Variants in GPAT3 observed in about 807,000 individuals in gnomAD.
GPAT3 encodes the protein glycerol-3-phosphate acyltransferase 3, also known as 1-AGP acyltransferase 9.
Under a neutral mutation model 58.8 loss-of-function variants are expected in GPAT3, and 53 were observed. The ratio of observed to expected loss-of-function variants is 0.90; its 90% CI spans 0.72 to 1.13. The LOEUF is 1.13. Among genes scored for constraint, GPAT3 ranks in the 50% most tolerant of loss-of-function variants. GPAT3 has a pLI of 0.00. For missense variants in GPAT3, 511 were observed against 527.6 expected, an observed-to-expected ratio of 0.97 and a Z score of 0.31; for synonymous variants, 197 against 187.4, an observed-to-expected ratio of 1.05 and a Z score of -0.42.
At chr4:83,590,077 A>C in intron 5 of GPAT3, 122 bp from the exon 6 acceptor site, 1 of 780,178 alleles carries the variant, frequency 1.3e-6, no homozygotes, top group Non-Finnish European at 2.0e-6. Flanking sequence ...TGGGCAACAG[A>C]GTGAGACGCG....
intron 2 of GPAT3, among the ~76,000 whole-genome samples, chr4:83,576,822 G>A (rs1330997680): frequency 1.3e-5 from 2 of 152,082 alleles, no homozygotes; most frequent in Non-Finnish European, 2.9e-5. Context: ...GTAATACCAC[G>A]GGTGAAAATT....
At chr4:83,604,628 C>T in intron 11 of GPAT3, 40 bp from the exon 12 acceptor site, 1 of 1,520,860 alleles carries the variant, frequency 6.6e-7, no homozygotes, top group Admixed American at 1.7e-5. Context: ...TAAATCACCG[C>T]TGTAAAGTAT....
chr4:83,553,028 ACCT>A (rs1326315411), intron 2 of GPAT3, among the ~76,000 whole-genome samples: 110 of 152,108 alleles, frequency 7.2e-4, no homozygotes, highest in African/African-American at 2.6e-3. Context: ...TAGCCTCCAG[ACCT>A]GTGGGAAAAT....
chr4:83,602,903 A>C (rs554999695), intron 11 of GPAT3, among the ~76,000 whole-genome samples: 3 of 152,236 alleles, frequency 2.0e-5, no homozygotes, highest in Admixed American at 6.5e-5. Context: ...TTGTTTCATG[A>C]AAACCTCCCA....
chr4:83,566,211 T>C, intron 2 of GPAT3, among the ~76,000 whole-genome samples: 1 of 152,124 alleles, frequency 6.6e-6, no homozygotes, highest in Admixed American at 6.5e-5. Flanking sequence ...CCCACATTTT[T>C]GTATTTTTGT....
At chr4:83,596,962 C>CA in intron 8 of GPAT3, 49 bp downstream of exon 8, 2 of 1,526,172 alleles carry the variant, frequency 1.3e-6, no homozygotes, top group Non-Finnish European at 1.8e-6. Flanking sequence ...AACAAACCAT[C>CA]AAAAGTGTGT....
At chr4:83,547,457 T>C (rs1434780043) in intron 2 of GPAT3, among the ~76,000 whole-genome samples, 1 of 151,686 alleles carries the variant, frequency 6.6e-6, no homozygotes. Flanking sequence ...TTTCACCGTG[T>C]TAGCCAGGAT....
In GPAT3 at chr4:83,598,118, G is replaced by A. The variant is rs747515668; in HGVS notation, c.1064G>A (p.Arg355Gln). Residue 355 changes from arginine to glutamine, a missense_variant, in exon 10 of 12, where the codon CGA becomes CAA. Arg to Gln is a conservative substitution (Grantham distance 43, BLOSUM62 1). Transcript: ENST00000264409. ...SKYNMVSYLLRMMTSWAIVCD... is the reference protein window; with the variant it reads ...SKYNMVSYLLQMMTSWAIVCD... Reference sequence around the variant, plus strand: ...TACAACATGGTGAGCTACCTGCTTCGAATGATGACCAGCTGGGCCATCGTC... The same window carrying A: ...TACAACATGGTGAGCTACCTGCTTCAAATGATGACCAGCTGGGCCATCGTC... The A allele has an allele frequency of 6.2e-6, 10 of 1,613,454 alleles. No individual in the cohort carries two copies. In the East Asian group the frequency reaches 1.3e-4, roughly 22 times the overall value.
At chr4:83,552,209 G>A (rs997315333) in intron 2 of GPAT3, among the ~76,000 whole-genome samples, 10 of 152,092 alleles carry the variant, frequency 6.6e-5, no homozygotes, top group South Asian at 4.2e-4. Flanking sequence ...ATTCTTTGTC[G>A]TGGGCAACAG....
chr4:83,597,210 C>A (rs1275962653), intron 8 of GPAT3, among the ~76,000 whole-genome samples: 1 of 152,094 alleles, frequency 6.6e-6, no homozygotes, highest in Admixed American at 6.5e-5. Flanking sequence ...CCCATAGGCC[C>A]ATAGAGTGTT....
intron 2 of GPAT3, among the ~76,000 whole-genome samples, chr4:83,573,942 A>G (rs1489552633): frequency 6.6e-6 from 1 of 152,136 alleles, no homozygotes; most frequent in Non-Finnish European, 1.5e-5. Context: ...TCTCTATGGG[A>G]TTTAGGACTA....
intron 1 of GPAT3, 105 bp downstream of exon 1, chr4:83,536,868 G>A: frequency 2.0e-6 from 2 of 1,011,384 alleles, no homozygotes; most frequent in Non-Finnish European, 2.9e-6. Flanking sequence ...GTGTGTGCGC[G>A]CGTGTGCATG....
Position 83,563,870 on chromosome 4 carries a change from T to C in GPAT3, c.209-17692T>C, listed in dbSNP as rs544340258. 2.0e-5 allele frequency among the ~76,000 whole-genome samples: 3 copies of C among 152,322 alleles called. No individual in the cohort carries two copies. The East Asian group carries it at 5.8e-4, about 29-fold the overall frequency. The stretch of plus-strand genomic sequence containing the variant: ...CCTTGTGTTCTTCACTTATAATATA[T>C]CCCATAAACCTTTCTCTATTATTAC... On this transcript the variant is annotated intron_variant, in intron 2 of 11. Transcript: ENST00000264409.
chr4:83,584,212 A>AT (rs147238483), intron 3 of GPAT3, among the ~76,000 whole-genome samples: 1 of 152,182 alleles, frequency 6.6e-6, no homozygotes, highest in African/African-American at 2.4e-5. Flanking sequence ...GACTTAAAAT[A>AT]TTTTTGCAAA....
intron 2 of GPAT3, among the ~76,000 whole-genome samples, chr4:83,562,395 CAA>C (rs1230965301): frequency 1.3e-5 from 2 of 150,754 alleles, no homozygotes; most frequent in African/African-American, 2.4e-5. Context: ...GAGGAGATCT[CAA>C]AGTTTTGAAA....
At chr4:83,545,459 G>A (rs1224534846) in intron 2 of GPAT3, among the ~76,000 whole-genome samples, 1 of 143,450 alleles carries the variant, frequency 7.0e-6, no homozygotes, top group Non-Finnish European at 1.5e-5. Context: ...AAAAAAAAAA[G>A]TCAAACTATC....
chr4:83,561,868 G>C (rs1329595368), intron 2 of GPAT3, among the ~76,000 whole-genome samples: 1 of 149,846 alleles, frequency 6.7e-6, no homozygotes, highest in South Asian at 2.1e-4. Context: ...CATAGGACAA[G>C]CATCTATCAT....
At chr4:83,582,126 AGAAGAG>A (rs1249444458) in intron 3 of GPAT3, among the ~76,000 whole-genome samples, 20 of 151,670 alleles carry the variant, frequency 1.3e-4, no homozygotes, top group Admixed American at 7.2e-4. Flanking sequence ...GTGAAGAAGA[AGAAGAG>A]GAAGAGGAAG....
intron 3 of GPAT3, 117 bp from the exon 4 acceptor site, chr4:83,587,138 C>A: frequency 2.7e-6 from 2 of 747,058 alleles, no homozygotes; most frequent in Non-Finnish European, 4.5e-6. Flanking sequence ...GTGGCTGCAT[C>A]ATATTTCATC....
Sources: gnomAD v4.1 joint callset for allele counts (sites outside exome capture counted in the v4.1 genomes callset) on GRCh38, gnomAD v4.1.1 for gene constraint, MANE v1.5 for transcripts, NCBI Gene and HGNC (gene_info 2026-07-23, HGNC 2026-07-21) for gene names.